The following JAM3 variants were observed in gnomAD, a reference collection of about 807,000 sequenced individuals.
The protein encoded by JAM3 is junctional adhesion molecule 3.
A neutral mutation model predicts 39.4 loss-of-function variants in JAM3; 31 were observed. The observed-to-expected ratio is 0.79, with a 90% CI of 0.59 to 1.06. The LOEUF (loss-of-function observed/expected upper bound fraction) is 1.06, where lower values mean the gene tolerates loss of function less well. Among genes scored for constraint, JAM3 ranks in the 50% least tolerant of loss-of-function variants. The pLI, the probability that JAM3 is intolerant of heterozygous loss-of-function variation, is 0.00. For synonymous variants in JAM3, 182 were observed against 148.7 expected (o/e 1.22, Z -1.63); for missense variants, 455 against 391.4 (o/e 1.16, Z -1.37).
rs1943251038 is a variant in JAM3 at position 134,151,923 on chromosome 11, C to T, written c.*2742C>T. On this transcript the variant is annotated 3_prime_UTR_variant, in exon 9 of 9. Transcript: ENST00000299106. Reference sequence around the variant, plus strand: ...TGCTCAAGAGCAGTGCTGCGCCTCTCCGCCACCGAGCCCACCTGTGTTGCG... The same window carrying T: ...TGCTCAAGAGCAGTGCTGCGCCTCTTCGCCACCGAGCCCACCTGTGTTGCG... The T allele has an allele frequency of 6.6e-6, 1 of 152,202 alleles. No homozygotes were observed. The highest frequency in any genetic ancestry group is 2.4e-5 in the African/African-American group (1 of 41,450). 9.4% of individuals were successfully genotyped at this position (152,202 alleles called of 1,614,324 possible).
chr11:134,095,208 A>G (rs1007894448), intron 1 of JAM3, among the ~76,000 whole-genome samples: 2 of 152,254 alleles, frequency 1.3e-5, no homozygotes, highest in African/African-American at 4.8e-5. Context: ...AGGTTTTGTA[A>G]CAGAATGGTG....
intron 1 of JAM3, among the ~76,000 whole-genome samples, chr11:134,092,477 C>T (rs990407177): frequency 3.6e-5 from 5 of 137,806 alleles, no homozygotes; most frequent in African/African-American, 1.4e-4. Context: ...CATCATGTTC[C>T]ACCTTAAACG....
chr11:134,143,305 G>C (rs771229158), intron 3 of JAM3, among the ~76,000 whole-genome samples: 1 of 152,180 alleles, frequency 6.6e-6, no homozygotes, highest in African/African-American at 2.4e-5. Context: ...GCGTCTTGTG[G>C]ATTTGATTTG....
intron 1 of JAM3, among the ~76,000 whole-genome samples, chr11:134,110,980 C>T (rs1246677470): frequency 2.6e-5 from 4 of 151,756 alleles, no homozygotes; most frequent in African/African-American, 4.8e-5. Flanking sequence ...CAAAACTGGA[C>T]ATAGATATGG....
chr11:134,146,441 A>G (rs1450387038), intron 6 of JAM3, among the ~76,000 whole-genome samples: 1 of 152,160 alleles, frequency 6.6e-6, no homozygotes, highest in Non-Finnish European at 1.5e-5. Context: ...TTACCTGCAG[A>G]CAAAGCTTAG....
At chr11:134,085,207 A>G (rs541313752) in intron 1 of JAM3, among the ~76,000 whole-genome samples, 2 of 152,376 alleles carry the variant, frequency 1.3e-5, no homozygotes, top group African/African-American at 4.8e-5. Flanking sequence ...TCAAACTACA[A>G]GAAAACTTGA....
At position 134,150,288 on chromosome 11, in the gene JAM3, A is replaced by G. The variant is rs576950830; in HGVS notation, c.*1107A>G. The G allele has an allele frequency of 3.3e-5, 5 of 152,510 alleles. No homozygotes were observed. The highest frequency in any genetic ancestry group is 9.6e-5 in the African/African-American group (4 of 41,610). 9.4% of individuals were successfully genotyped at this position (152,510 alleles called of 1,614,324 possible). On this transcript the variant is annotated 3_prime_UTR_variant, in exon 9 of 9. Coordinates refer to ENST00000299106, the MANE Select transcript of JAM3 (RefSeq NM_032801.5). ...CTCTTCAAAAGAAACCTCTCAGGTT[A>G]GCTTTGAACTGCCTCTTCCTGAGAT...
intron 6 of JAM3, 93 bp from the exon 7 acceptor site, chr11:134,148,454 T>G: frequency 6.4e-7 from 1 of 1,565,906 alleles, no homozygotes; most frequent in South Asian, 1.1e-5. Flanking sequence ...GCAAGTGGGT[T>G]TGGGGTGAAG....
chr11:134,136,354 AT>A (rs1314905909), intron 1 of JAM3, among the ~76,000 whole-genome samples: 3 of 152,152 alleles, frequency 2.0e-5, no homozygotes, highest in Non-Finnish European at 2.9e-5. Flanking sequence ...TCCGAATCTT[AT>A]CCCCAGGCAT....
intron 1 of JAM3, among the ~76,000 whole-genome samples, chr11:134,101,706 C>G (rs1942076348): frequency 6.6e-6 from 1 of 152,110 alleles, no homozygotes; most frequent in Non-Finnish European, 1.5e-5. Context: ...TCATATTTCT[C>G]CCCTTATTTA....
At chr11:134,110,321 A>T (rs1440944684) in intron 1 of JAM3, among the ~76,000 whole-genome samples, 4 of 152,244 alleles carry the variant, frequency 2.6e-5, no homozygotes, top group Admixed American at 2.6e-4. Context: ...TATGTAAGAG[A>T]ATGAAATCAT....
chr11:134,124,976 G>A (rs963936469), intron 1 of JAM3, among the ~76,000 whole-genome samples: 3 of 152,046 alleles, frequency 2.0e-5, no homozygotes, highest in African/African-American at 7.3e-5. Flanking sequence ...AGTTACCTCT[G>A]CGGCAGCGGC....
intron 1 of JAM3, among the ~76,000 whole-genome samples, chr11:134,107,000 A>G (rs541440811): frequency 6.6e-6 from 1 of 152,284 alleles, no homozygotes; most frequent in South Asian, 2.1e-4. Flanking sequence ...CCAAAGGATT[A>G]TAAATCATAC....
In JAM3 at chr11:134,145,968, A is replaced by C; in HGVS notation, c.635A>C (p.Asp212Ala). The change falls in exon 6 of 9, where the codon GAC becomes GCC. Residue 212 changes from aspartate (D) to alanine (A), a missense_variant. Transcript: ENST00000299106. ...GTLVFTAVHKDDSGQYYCIAS... is the reference protein window; with the variant it reads ...GTLVFTAVHKADSGQYYCIAS... Reference sequence around the variant, plus strand: ...CAGGTGTTCACTGCTGTTCACAAGGACGACTCTGGGCAGTACTACTGCATT... The same window carrying C: ...CAGGTGTTCACTGCTGTTCACAAGGCCGACTCTGGGCAGTACTACTGCATT... 6.2e-7 allele frequency: 1 copy of C among 1,613,780 alleles called. No homozygotes were observed. The highest frequency in any genetic ancestry group is 8.5e-7 in the Non-Finnish European group (1 of 1,179,662).
chr11:134,087,673 G>A (rs1213057827), intron 1 of JAM3, among the ~76,000 whole-genome samples: 4 of 152,170 alleles, frequency 2.6e-5, no homozygotes, highest in East Asian at 3.9e-4. Context: ...CAGTAACTGG[G>A]CTGATGATCA....
chr11:134,150,626 G>A lies in JAM3; in HGVS notation c.*1445G>A, dbSNP rs1943190973. On this transcript the variant is annotated 3_prime_UTR_variant, in exon 9 of 9. Coordinates refer to ENST00000299106, the MANE Select transcript of JAM3 (RefSeq NM_032801.5). ...TTGGTTATGGATGGCTCACAAAATAGGGCCCCCAATGCTATTTTTTTTTTT... is the reference window on the plus strand; with the variant it reads ...TTGGTTATGGATGGCTCACAAAATAAGGCCCCCAATGCTATTTTTTTTTTT... 4 of 151,768 alleles carry A rather than the reference G, an allele frequency of 2.6e-5. No individual in the cohort carries two copies. The highest frequency in any genetic ancestry group is 4.2e-4 in the South Asian group (2 of 4,812). 9.4% of individuals were successfully genotyped at this position (151,768 alleles called of 1,614,324 possible).
chr11:134,144,187 A>G (rs1004311923), intron 3 of JAM3, 54 bp from the exon 4 acceptor site: 2 of 1,605,470 alleles, frequency 1.2e-6, no homozygotes, highest in Non-Finnish European at 1.7e-6. Context: ...ACCCTCTTCA[A>G]GTGGCAAAGA....
intron 5 of JAM3, 59 bp downstream of exon 5, chr11:134,145,053 A>G (rs1943046562): frequency 7.3e-7 from 1 of 1,361,418 alleles, no homozygotes; most frequent in Non-Finnish European, 1.1e-6. Context: ...AGAGATGCTT[A>G]TTGTGAAAAG....
intron 1 of JAM3, among the ~76,000 whole-genome samples, chr11:134,112,516 T>G (rs1942335039): frequency 6.6e-6 from 1 of 152,214 alleles, no homozygotes; most frequent in African/African-American, 2.4e-5. Context: ...CTGACACAGA[T>G]ATACTTAATT....
Sources: allele counts gnomAD v4.1 joint callset (sites outside exome capture counted in the v4.1 genomes callset), GRCh38; gene constraint gnomAD v4.1.1; transcripts MANE v1.5; gene names NCBI Gene and HGNC (gene_info 2026-07-23, HGNC 2026-07-21).